Variants in ERC2 observed in about 807,000 individuals in gnomAD.
The protein encoded by ERC2 is ERC protein 2.
Under a neutral mutation model 114.8 loss-of-function variants are expected in ERC2, and 42 were observed. The ratio of observed to expected loss-of-function variants is 0.37; its 90% CI spans 0.29 to 0.47. The LOEUF is 0.47. Ranked by LOEUF, ERC2 falls within the 20% of genes least tolerant of loss-of-function variation. The pLI, the probability that ERC2 is intolerant of heterozygous loss-of-function variation, is 0.99. For synonymous variants in ERC2, 454 were observed against 425.5 expected, an observed-to-expected ratio of 1.07 and a Z score of -0.82; for missense variants, 939 against 1,150.7, an observed-to-expected ratio of 0.82 and a Z score of 2.66.
chr3:56,107,067 C>T (rs983478536), intron 6 of ERC2, among the ~76,000 whole-genome samples: 3 of 151,914 alleles, frequency 2.0e-5, no homozygotes, highest in Non-Finnish European at 4.4e-5. Flanking sequence ...AGGATATGAA[C>T]GAGGATATGA....
In ERC2 at chr3:55,717,092, G is replaced by A. The variant is rs568475538; in HGVS notation, c.2713-17580C>T. Among the ~76,000 whole-genome samples, 5 of 152,278 alleles carry A rather than the reference G, an allele frequency of 3.3e-5. No individual in the cohort carries two copies. The East Asian group carries it at 7.7e-4, about 23-fold the overall frequency. On this transcript the variant is annotated intron_variant, in intron 15 of 17. Coordinates refer to ENST00000288221, the MANE Select transcript of ERC2 (RefSeq NM_015576.3). ...GAGGAAAAAAAGCTTGCTGGGCGAT[G>A]TTAAAACAGAGTCAGGTTTTAGGAA... is the stretch of plus-strand genomic sequence containing the variant.
At chr3:55,549,846 A>T (rs1034336143) in intron 17 of ERC2, among the ~76,000 whole-genome samples, 2 of 152,026 alleles carry the variant, frequency 1.3e-5, no homozygotes, top group South Asian at 4.2e-4. Flanking sequence ...AGGATGGTAA[A>T]AACAGCAACA....
chr3:55,608,608 G>C, intron 17 of ERC2, among the ~76,000 whole-genome samples: 1 of 152,164 alleles, frequency 6.6e-6, no homozygotes, highest in Non-Finnish European at 1.5e-5. Flanking sequence ...GCCTCCTCTG[G>C]CTTCCTTCTG....
At chr3:55,943,376 C>G (rs1470124707) in intron 13 of ERC2, among the ~76,000 whole-genome samples, 1 of 152,068 alleles carries the variant, frequency 6.6e-6, no homozygotes, top group Non-Finnish European at 1.5e-5. Flanking sequence ...TATAGATGCT[C>G]CCAAACACAC....
intron 17 of ERC2, among the ~76,000 whole-genome samples, chr3:55,562,803 T>G (rs2056113047): frequency 6.6e-6 from 1 of 152,056 alleles, no homozygotes; most frequent in Non-Finnish European, 1.5e-5. Flanking sequence ...TGCTAATACC[T>G]GTGTTTAAAT....
chr3:56,364,269 A>AG, intron 2 of ERC2, among the ~76,000 whole-genome samples: 1 of 152,332 alleles, frequency 6.6e-6, no homozygotes, highest in South Asian at 2.1e-4. Context: ...CTAAGTGGTT[A>AG]GAGAGCTCCC....
rs1393221346 is a variant in ERC2, at chr3:56,033,017, A to AAC, written c.1642-13987_1642-13986insGT. Among the ~76,000 whole-genome samples, 1,160 of 135,164 alleles carry AAC rather than the reference A, an allele frequency of 8.6e-3. 6 individuals are homozygous for AAC. The highest frequency in any genetic ancestry group is 0.014 in the Middle Eastern group (4 of 280). The allele number at this position is 135,164 out of a possible 152,430, so 88.7% of individuals were successfully genotyped here. ...AAAGAAAGAAAGAAAGAAAGAAAGA[A>AAC]AGAAAAAAGAAACAGAAAGAAAGAA... is the stretch of plus-strand genomic sequence containing the variant. On this transcript the variant is annotated intron_variant, in intron 7 of 17. Transcript: ENST00000288221.
chr3:55,897,062 G>A (rs2063876381), intron 13 of ERC2, among the ~76,000 whole-genome samples: 2 of 152,164 alleles, frequency 1.3e-5, no homozygotes, highest in South Asian at 4.1e-4. Context: ...GAAATCGTCG[G>A]ATCTTTTAAA....
At chr3:56,316,089 G>T (rs1291651454) in intron 2 of ERC2, among the ~76,000 whole-genome samples, 1 of 151,838 alleles carries the variant, frequency 6.6e-6, no homozygotes, top group East Asian at 1.9e-4. Context: ...TTGAACCCAT[G>T]CATCTGTACT....
rs1007502751 is a variant in ERC2, at chr3:56,259,408, T to C, written c.1074+36611A>G. Reference sequence around the variant, plus strand: ...CCCGCCTTACCGCAAAAAATATATTTCATAAATACCATATAAAATTAGGTT... The same window carrying C: ...CCCGCCTTACCGCAAAAAATATATTCCATAAATACCATATAAAATTAGGTT... On this transcript the variant is annotated intron_variant, in intron 3 of 17. Coordinates refer to ENST00000288221, the MANE Select transcript of ERC2 (RefSeq NM_015576.3). Among the ~76,000 whole-genome samples, 3 of 152,182 alleles carry C rather than the reference T, an allele frequency of 2.0e-5. No individual in the cohort carries two copies. In the South Asian group the frequency reaches 6.2e-4, roughly 32 times the overall value.
At chr3:56,438,321 C>T (rs2062122987) in intron 1 of ERC2, among the ~76,000 whole-genome samples, 1 of 152,172 alleles carries the variant, frequency 6.6e-6, no homozygotes, top group Non-Finnish European at 1.5e-5. Flanking sequence ...TTCCTTATCC[C>T]TCCCTAATTC....
chr3:55,755,821 G>A (rs1034157673), intron 14 of ERC2, among the ~76,000 whole-genome samples: 1 of 151,998 alleles, frequency 6.6e-6, no homozygotes, highest in Admixed American at 6.6e-5. Flanking sequence ...AACGTACATC[G>A]AACGTTCGCT....
At chr3:55,560,192 T>C (rs1388440403) in intron 17 of ERC2, among the ~76,000 whole-genome samples, 1 of 152,248 alleles carries the variant, frequency 6.6e-6, no homozygotes, top group East Asian at 1.9e-4. Flanking sequence ...AGAGCAGCCA[T>C]AGGTCAGTGA....
chr3:55,518,319 AAAGATT>A (rs1442609956), intron 17 of ERC2, among the ~76,000 whole-genome samples: 2 of 152,258 alleles, frequency 1.3e-5, no homozygotes, highest in Non-Finnish European at 2.9e-5. Context: ...TTGGAGAAAT[AAAGATT>A]AATTTCTAAG....
At chr3:56,081,541 C>T (rs1469776285) in intron 6 of ERC2, among the ~76,000 whole-genome samples, 1 of 150,470 alleles carries the variant, frequency 6.6e-6, no homozygotes, top group African/African-American at 2.5e-5. Context: ...CCTCATGAGA[C>T]TGCTTTCCAA....
At chr3:56,454,909 A>G (rs1166070069) in intron 1 of ERC2, among the ~76,000 whole-genome samples, 1 of 151,932 alleles carries the variant, frequency 6.6e-6, no homozygotes, top group Non-Finnish European at 1.5e-5. Context: ...GTGCTACAAC[A>G]TGAACTTTGA....
intron 14 of ERC2, among the ~76,000 whole-genome samples, chr3:55,743,593 CAAAAAAAA>C (rs367859231): frequency 1.1e-4 from 11 of 97,200 alleles, no homozygotes; most frequent in East Asian, 3.0e-4. Context: ...CCTGATCCAC[CAAAAAAAA>C]AAAAAAAAAA....
intron 3 of ERC2, among the ~76,000 whole-genome samples, chr3:56,177,986 T>C (rs1471962508): frequency 6.6e-6 from 1 of 152,188 alleles, no homozygotes; most frequent in Non-Finnish European, 1.5e-5. Flanking sequence ...CCACATTATA[T>C]ATTTTCCTGT....
chr3:55,909,563 T>C (rs13072547), intron 13 of ERC2, among the ~76,000 whole-genome samples: 89,033 of 151,480 alleles, frequency 0.59, 27,479 homozygotes, highest in Non-Finnish European at 0.66. Context: ...CAAGAAGCTC[T>C]CCAGAGCAGG....
Sources: allele counts gnomAD v4.1 joint callset (sites outside exome capture counted in the v4.1 genomes callset), GRCh38; gene constraint gnomAD v4.1.1; transcripts MANE v1.5; gene names NCBI Gene and HGNC (gene_info 2026-07-23, HGNC 2026-07-21).